MTA1: variants seen among roughly 807,000 people sequenced by gnomAD.
MTA1 encodes the protein metastasis-associated protein MTA1.
In MTA1, 15 loss-of-function variants were observed where a neutral mutation model predicts 97.0. The observed-to-expected ratio is 0.15, with a 90% CI of 0.10 to 0.24. The LOEUF (loss-of-function observed/expected upper bound fraction) is 0.24. Ranked by LOEUF, MTA1 falls within the 10% of genes least tolerant of loss-of-function variation. The probability of loss-of-function intolerance (pLI) is 1.00; values close to 1 mark genes in which losing one functional copy is unlikely to be tolerated. For missense variants in MTA1, 709 were observed against 1,015.1 expected (o/e 0.70, Z 4.10); for synonymous variants, 435 against 417.5 (o/e 1.04, Z -0.51).
chr14:105,446,702 C>T lies in MTA1; in HGVS notation c.190+1191C>T, dbSNP rs587685821. ...CCCTTAACCCCACTGCCTTGCCCACCGGACAGCTGGGACCTTTCCTCAGCA... is the reference window on the plus strand; with the variant it reads ...CCCTTAACCCCACTGCCTTGCCCACTGGACAGCTGGGACCTTTCCTCAGCA... On this transcript the variant is annotated intron_variant, in intron 3 of 20. Transcript: ENST00000331320. 8.5e-5 allele frequency among the ~76,000 whole-genome samples: 13 copies of T among 152,352 alleles called. No homozygotes were observed. In the South Asian group the frequency reaches 1.9e-3, roughly 22 times the overall value.
chr14:105,423,800 C>T (rs1595248609), intron 1 of MTA1, among the ~76,000 whole-genome samples: 1 of 152,204 alleles, frequency 6.6e-6, no homozygotes, highest in African/African-American at 2.4e-5. Flanking sequence ...AACTTTATTG[C>T]TCTATATACT....
At chr14:105,433,004 G>A (rs1016223665) in intron 1 of MTA1, among the ~76,000 whole-genome samples, 1 of 152,164 alleles carries the variant, frequency 6.6e-6, no homozygotes, top group Non-Finnish European at 1.5e-5. Flanking sequence ...ACCCCGTGCT[G>A]TAATATAGGG....
At chr14:105,467,786 G>C (rs1296054714) in intron 18 of MTA1, 1 of 275,312 alleles carries the variant, frequency 3.6e-6, no homozygotes, top group East Asian at 1.3e-4. Flanking sequence ...TAATGGCAGG[G>C]CGTCCCAGGA....
chr14:105,468,050 C>T (rs587706900), intron 18 of MTA1: 148 of 346,274 alleles, frequency 4.3e-4, no homozygotes, highest in South Asian at 3.2e-3. Flanking sequence ...CCTGTCCTGA[C>T]GTGTAGCGGC....
At chr14:105,466,648 C>A in intron 17 of MTA1, 59 bp from the exon 18 acceptor site, 1 of 1,590,196 alleles carries the variant, frequency 6.3e-7, no homozygotes, top group Non-Finnish European at 8.6e-7. Flanking sequence ...CCCGCCCGGG[C>A]ACCCGCCGTG....
At position 105,463,091 on chromosome 14, in the gene MTA1, C is replaced by T. The variant is rs2083422939; in HGVS notation, c.943-93C>T. ...CTCGCCCTCTGGCCTCCCGCCCCCT[C>T]TGTGGCCTTCTGGCCGCAGCCCTGC... On this transcript the variant is annotated intron_variant, in intron 10 of 20. Transcript: ENST00000331320. This position sits in a 1 kb window ranked among gnomAD's most constrained non-coding sequence, Gnocchi z 5.9. The T allele has an allele frequency of 2.3e-6, 3 of 1,286,538 alleles. No individual in the cohort carries two copies. In the East Asian group the frequency reaches 6.9e-5, roughly 30 times the overall value. The allele number at this position is 1,286,538 out of a possible 1,614,324, so 79.7% of individuals were successfully genotyped here.
chr14:105,450,330 G>T lies in MTA1; in HGVS notation c.432+6G>T. ...AGTCCTACCTGGAGCGGGAGGTGAG[G>T]CCCAGCCCGGCCTGGTCTGCCGCAG... is the stretch of plus-strand genomic sequence containing the variant. On this transcript the variant is annotated splice_donor_region_variant and intron_variant, in intron 6 of 20. Coordinates refer to ENST00000331320, the MANE Select transcript of MTA1 (RefSeq NM_004689.4). 1 of 1,598,582 alleles carries T rather than the reference G, an allele frequency of 6.3e-7. No individual in the cohort carries two copies. Among genetic ancestry groups the T allele is most frequent in the Non-Finnish European group, 8.6e-7 (1 of 1,168,846 alleles).
chr14:105,462,087 C>T (rs926141945), intron 10 of MTA1, among the ~76,000 whole-genome samples: 10 of 152,128 alleles, frequency 6.6e-5, no homozygotes, highest in African/African-American at 1.7e-4. Flanking sequence ...CAGGGGACTG[C>T]GGCTGCGGGG....
rs929170198 is a variant in MTA1 at position 105,454,453 on chromosome 14, C to T, written c.550+143C>T. 3.9e-5 allele frequency: 25 copies of T among 637,198 alleles called. No homozygotes were observed. In the African/African-American group the frequency reaches 4.4e-4, roughly 11 times the overall value. The allele number at this position is 637,198 out of a possible 1,614,324, so 39.5% of individuals were successfully genotyped here. On this transcript the variant is annotated intron_variant, in intron 7 of 20. Coordinates refer to ENST00000331320, the MANE Select transcript of MTA1 (RefSeq NM_004689.4). ...CGGCAGGTGTAGGCCTGGGCTCTGT[C>T]CACATGGGTGATGCGTGTAGGCTGG...
In MTA1 at chr14:105,439,126, G is replaced by A. The variant is rs1750871362; in HGVS notation, c.96+387G>A. Among the ~76,000 whole-genome samples, 5 of 152,342 alleles carry A rather than the reference G, an allele frequency of 3.3e-5. No homozygotes were observed. The South Asian group carries it at 1.0e-3, about 32-fold the overall frequency. On this transcript the variant is annotated intron_variant, in intron 2 of 20. Coordinates refer to ENST00000331320, the MANE Select transcript of MTA1 (RefSeq NM_004689.4). ...CCCCTGCCCTGCCCGAACCCTGGCAGCCAGCCCTGCAGGGCTGTGAGCTCT... is the reference window on the plus strand; with the variant it reads ...CCCCTGCCCTGCCCGAACCCTGGCAACCAGCCCTGCAGGGCTGTGAGCTCT...
chr14:105,464,251 C>T, intron 13 of MTA1, 104 bp downstream of exon 13: 1 of 1,416,222 alleles, frequency 7.1e-7, no homozygotes, highest in Non-Finnish European at 9.7e-7. Flanking sequence ...GCAAGGGGCC[C>T]ACTGACGATG....
chr14:105,463,940 A>G lies in MTA1; in HGVS notation c.1077-92A>G, dbSNP rs587665234. 1.7e-6 allele frequency: 2 copies of G among 1,207,180 alleles called. No individual in the cohort carries two copies. The highest frequency in any genetic ancestry group is 2.3e-5 in the East Asian group (1 of 42,638). 74.8% of individuals were successfully genotyped at this position (1,207,180 alleles called of 1,614,324 possible). ...GGGGTGCGAGGACGTGGTTCTGGAC[A>G]AGGGGTGGTCAGCCGCGGTGCCTGC... is the stretch of plus-strand genomic sequence containing the variant. On this transcript the variant is annotated intron_variant, in intron 12 of 20. Transcript: ENST00000331320. This position sits in a 1 kb window ranked among gnomAD's most constrained non-coding sequence, Gnocchi z 5.9.
At chr14:105,451,402 T>TG (rs1419787003) in intron 6 of MTA1, among the ~76,000 whole-genome samples, 1 of 152,194 alleles carries the variant, frequency 6.6e-6, no homozygotes, top group Non-Finnish European at 1.5e-5. Context: ...TCGTAACACA[T>TG]GCGTGGAGCA....
intron 18 of MTA1, chr14:105,467,505 C>T: frequency 2.2e-6 from 1 of 455,890 alleles, no homozygotes; most frequent in Non-Finnish European, 4.4e-6. Flanking sequence ...TCCTGGCAGG[C>T]ACGTCCTGTG....
intron 1 of MTA1, among the ~76,000 whole-genome samples, chr14:105,438,068 T>C (rs1042842796): frequency 1.3e-5 from 2 of 152,234 alleles, no homozygotes; most frequent in African/African-American, 2.4e-5. Flanking sequence ...TCTGGTGAGC[T>C]CTGGTATTCC....
chr14:105,436,050 C>T (rs955965390), intron 1 of MTA1, among the ~76,000 whole-genome samples: 1 of 152,166 alleles, frequency 6.6e-6, no homozygotes, highest in Non-Finnish European at 1.5e-5. Context: ...AGGTGGATCA[C>T]CTGAGGTCAG....
chr14:105,433,345 G>C (rs1031993376), intron 1 of MTA1, among the ~76,000 whole-genome samples: 1 of 152,158 alleles, frequency 6.6e-6, no homozygotes, highest in African/African-American at 2.4e-5. Flanking sequence ...GGCTGCCCTC[G>C]GTCCCTCCGT....
intron 2 of MTA1, among the ~76,000 whole-genome samples, chr14:105,441,727 GA>G (rs1233760046): frequency 1.3e-5 from 2 of 152,178 alleles, no homozygotes; most frequent in East Asian, 3.9e-4. Context: ...CCGGGAGGTG[GA>G]GCTTGCAGTG....
At chr14:105,466,341 G>A (rs2083582498) in intron 16 of MTA1, 85 bp from the exon 17 acceptor site, 1 of 1,286,146 alleles carries the variant, frequency 7.8e-7, no homozygotes. Context: ...GGGTATCCCG[G>A]AACCATGAGG....
Sources: allele counts gnomAD v4.1 joint callset (sites outside exome capture counted in the v4.1 genomes callset), GRCh38; gene constraint gnomAD v4.1.1; non-coding constraint Gnocchi (gnomAD v3.1); transcripts MANE v1.5; gene names NCBI Gene and HGNC (gene_info 2026-07-23, HGNC 2026-07-21).